Variants in PRKG1 observed in about 807,000 individuals in gnomAD.
The protein encoded by PRKG1 is protein kinase cGMP-dependent 1, also known as cGMP-dependent protein kinase 1.
In PRKG1, 35 loss-of-function variants were observed where a neutral mutation model predicts 88.1. The observed-to-expected ratio is 0.40, with a 90% CI of 0.30 to 0.53. PRKG1 has a LOEUF of 0.53. PRKG1 is among the 20% of genes least tolerant of loss of function. The pLI, the probability that PRKG1 is intolerant of heterozygous loss-of-function variation, is 0.59. For missense variants in PRKG1, 540 were observed against 839.8 expected (o/e 0.64, Z 4.41); for synonymous variants, 303 against 292.5 (o/e 1.04, Z -0.37).
chr10:51,214,005 T>C (rs1838305132), intron 2 of PRKG1, among the ~76,000 whole-genome samples: 1 of 152,186 alleles, frequency 6.6e-6, no homozygotes, highest in African/African-American at 2.4e-5. Flanking sequence ...GAAAAAAACA[T>C]ATTTACATAT....
chr10:51,943,922 G>T (rs1842966047), intron 5 of PRKG1, among the ~76,000 whole-genome samples: 2 of 151,714 alleles, frequency 1.3e-5, no homozygotes, highest in Admixed American at 1.3e-4. Context: ...TCTCTTTTTT[G>T]GTTGTGTCTC....
At chr10:52,148,519 G>T (rs572610699) in intron 8 of PRKG1, among the ~76,000 whole-genome samples, 8 of 150,148 alleles carry the variant, frequency 5.3e-5, no homozygotes, top group African/African-American at 1.7e-4. Context: ...ATATTGAATA[G>T]AAAAAAAAAG....
intron 1 of PRKG1, among the ~76,000 whole-genome samples, chr10:51,137,581 A>G (rs1458242791): frequency 6.6e-6 from 1 of 152,226 alleles, no homozygotes; most frequent in Non-Finnish European, 1.5e-5. Flanking sequence ...TGATACCAGT[A>G]TAATGAAAGT....
intron 5 of PRKG1, among the ~76,000 whole-genome samples, chr10:51,977,731 C>CT (rs1313977702): frequency 6.6e-6 from 1 of 151,726 alleles, no homozygotes; most frequent in South Asian, 2.1e-4. Flanking sequence ...TGATACTGAG[C>CT]TTTTTTTTCA....
chr10:52,189,042 A>G (rs1839294685), intron 9 of PRKG1, among the ~76,000 whole-genome samples: 1 of 152,206 alleles, frequency 6.6e-6, no homozygotes, highest in Non-Finnish European at 1.5e-5. Flanking sequence ...AATAAGAAGG[A>G]AAATATGCAA....
At chr10:51,388,357 A>C (rs1366410223) in intron 2 of PRKG1, among the ~76,000 whole-genome samples, 3 of 152,228 alleles carry the variant, frequency 2.0e-5, no homozygotes, top group African/African-American at 7.2e-5. Context: ...ATCAAAGATC[A>C]GATGCAAACC....
chr10:52,058,431 T>A (rs1846161196), intron 6 of PRKG1, among the ~76,000 whole-genome samples: 1 of 152,046 alleles, frequency 6.6e-6, no homozygotes, highest in African/African-American at 2.4e-5. Context: ...CATCCATTCA[T>A]AATAAAACTT....
intron 1 of PRKG1, among the ~76,000 whole-genome samples, chr10:51,018,604 A>T (rs1323516292): frequency 6.6e-6 from 1 of 152,184 alleles, no homozygotes; most frequent in Non-Finnish European, 1.5e-5. Flanking sequence ...AGGTCTCCTG[A>T]TTCTCAAGGT....
intron 1 of PRKG1, among the ~76,000 whole-genome samples, chr10:51,010,457 A>G (rs751979031): frequency 6.6e-6 from 1 of 152,236 alleles, no homozygotes; most frequent in African/African-American, 2.4e-5. Context: ...CTATGCTGAA[A>G]TTAAATTCAT....
At chr10:51,485,745 A>G (rs1047408123) in intron 3 of PRKG1, among the ~76,000 whole-genome samples, 2 of 152,162 alleles carry the variant, frequency 1.3e-5, no homozygotes, top group Non-Finnish European at 2.9e-5. Context: ...TTGGAAACAA[A>G]AGGGGCAAGA....
chr10:51,970,283 T>A (rs1333347730), intron 5 of PRKG1, among the ~76,000 whole-genome samples: 1 of 151,984 alleles, frequency 6.6e-6, no homozygotes, highest in Non-Finnish European at 1.5e-5. Context: ...CAACTAATAA[T>A]GTCCATCACA....
At chr10:51,893,880 T>C (rs1044365268) in intron 4 of PRKG1, among the ~76,000 whole-genome samples, 2 of 152,180 alleles carry the variant, frequency 1.3e-5, no homozygotes, top group African/African-American at 2.4e-5. Flanking sequence ...ATTCTAAGTG[T>C]CCTGTTACTA....
chr10:51,683,318 TCAAAA>T (rs201618594), intron 3 of PRKG1, among the ~76,000 whole-genome samples: 486 of 150,920 alleles, frequency 3.2e-3, no homozygotes, highest in African/African-American at 9.2e-3. Flanking sequence ...AGGCTCTGTC[TCAAAA>T]CAAAACAAAA....
intron 4 of PRKG1, among the ~76,000 whole-genome samples, chr10:51,855,766 T>A (rs1338773442): frequency 6.6e-6 from 1 of 152,154 alleles, no homozygotes; most frequent in Non-Finnish European, 1.5e-5. Flanking sequence ...CAAAGTAAAT[T>A]CCTGTCAGTT....
chr10:51,021,015 C>T (rs1323254029), intron 1 of PRKG1, among the ~76,000 whole-genome samples: 1 of 151,894 alleles, frequency 6.6e-6, no homozygotes, highest in Non-Finnish European at 1.5e-5. Flanking sequence ...GAAATTCGTA[C>T]CTATGTAGGG....
rs1429412680 is a variant in PRKG1, at chr10:51,670,737, AAAAAAAATAAATAAATAAATAAAT to A, written c.593-133844_593-133821del. 6.7e-5 allele frequency among the ~76,000 whole-genome samples: 8 copies of A among 119,378 alleles called. 1 individual carries two copies. The highest frequency in any genetic ancestry group is 2.4e-4 in the African/African-American group (8 of 33,472). The allele number at this position is 119,378 out of a possible 152,430, so 78.3% of individuals were successfully genotyped here. A position where few individuals can be genotyped will look rare whatever the true frequency, so the allele number is the denominator to read the frequency against. ...GGCGACAGAGCGAGACTCCGTCTCA[AAAAAAAATAAATAAATAAATAAAT>A]AAATAAATAAATAAATAAATAAATA... On this transcript the variant is annotated intron_variant, in intron 3 of 17. Transcript: ENST00000373980.
At chr10:51,640,830 C>G (rs1421199897) in intron 3 of PRKG1, among the ~76,000 whole-genome samples, 1 of 147,004 alleles carries the variant, frequency 6.8e-6, no homozygotes, top group African/African-American at 2.5e-5. Context: ...ATGTATATGT[C>G]TCTTTTTATG....
At chr10:51,476,544 A>T (rs555771743) in intron 3 of PRKG1, among the ~76,000 whole-genome samples, 2 of 152,072 alleles carry the variant, frequency 1.3e-5, no homozygotes, top group Non-Finnish European at 2.9e-5. Context: ...ATGGTTGTCT[A>T]TAACCTTCTG....
At chr10:52,160,750 C>T (rs1168717459) in intron 8 of PRKG1, among the ~76,000 whole-genome samples, 3 of 152,054 alleles carry the variant, frequency 2.0e-5, no homozygotes, top group African/African-American at 7.2e-5. Flanking sequence ...ACTCACAACA[C>T]ACAAACCATT....
Sources: allele counts gnomAD v4.1 joint callset (sites outside exome capture counted in the v4.1 genomes callset), GRCh38; gene constraint gnomAD v4.1.1; transcripts MANE v1.5; gene names NCBI Gene and HGNC (gene_info 2026-07-23, HGNC 2026-07-21).